ACTN2: variants seen among roughly 807,000 people sequenced by gnomAD.
ACTN2 encodes the protein actinin alpha 2, also known as alpha-actinin-2.
Under a neutral mutation model 113.8 loss-of-function variants are expected in ACTN2, and 39 were observed. The ratio of observed to expected loss-of-function variants is 0.34; its 90% CI spans 0.27 to 0.45. The LOEUF is 0.45. Ranked by LOEUF, ACTN2 falls within the 20% of genes least tolerant of loss-of-function variation. The pLI, the probability that ACTN2 is intolerant of heterozygous loss-of-function variation, is 1.00. For synonymous variants in ACTN2, 429 were observed against 444.1 expected (o/e 0.97, Z 0.43); for missense variants, 992 against 1,177.9 (o/e 0.84, Z 2.31).
Position 236,744,793 on chromosome 1 carries a change from T to TC in ACTN2, c.1406+19dup. 2 of 1,613,946 alleles carry TC rather than the reference T, an allele frequency of 1.2e-6. No homozygotes were observed. Among genetic ancestry groups the TC allele is most frequent in the Non-Finnish European group, 1.7e-6 (2 of 1,179,958 alleles). On this transcript the variant is annotated intron_variant, in intron 12 of 20. Transcript: ENST00000366578. ...GGAGCTCAAGTATGTGCAGATGCCCTCCGTCCTCCCGGGAGCCCCTGGGAT... is the reference window on the plus strand; with the variant it reads ...GGAGCTCAAGTATGTGCAGATGCCCTCCCGTCCTCCCGGGAGCCCCTGGGAT...
In ACTN2 at chr1:236,736,936, CAA is replaced by C. The variant is rs1332929529; in HGVS notation, c.784-184_784-183del. ...GTGTAAGTCTGTGTGAAAACTGTAACAAAGGTGTGAAATGATTCATAGTACGC... is the reference window on the plus strand; with the variant it reads ...GTGTAAGTCTGTGTGAAAACTGTAACAGGTGTGAAATGATTCATAGTACGC... On this transcript the variant is annotated intron_variant, in intron 8 of 20. Transcript: ENST00000366578. 3.5e-5 allele frequency: 22 copies of C among 634,590 alleles called. No homozygotes were observed. In the African/African-American group the frequency reaches 3.9e-4, roughly 11 times the overall value. The allele number at this position is 634,590 out of a possible 1,614,324, so 39.3% of individuals were successfully genotyped here.
intron 1 of ACTN2, among the ~76,000 whole-genome samples, chr1:236,701,675 C>T (rs1657681794): frequency 1.3e-5 from 2 of 152,218 alleles, no homozygotes; most frequent in South Asian, 4.1e-4. Flanking sequence ...TTTTACACAT[C>T]TGCAAAATGA....
intron 1 of ACTN2, among the ~76,000 whole-genome samples, chr1:236,690,007 T>G (rs1277780018): frequency 1.3e-5 from 2 of 152,244 alleles, no homozygotes; most frequent in Admixed American, 6.5e-5. Context: ...AGGGTCCTTA[T>G]GTCCATAATC....
chr1:236,744,870 G>A, intron 12 of ACTN2, 94 bp downstream of exon 12: 1 of 1,549,274 alleles, frequency 6.5e-7, no homozygotes, highest in African/African-American at 1.4e-5. Flanking sequence ...ACTAAACGCA[G>A]AGGGAACCAC....
intron 12 of ACTN2, among the ~76,000 whole-genome samples, chr1:236,745,899 C>T (rs1310129289): frequency 6.6e-6 from 1 of 152,050 alleles, no homozygotes. Flanking sequence ...CACAGTGGCT[C>T]ACGCCTGTAA....
intron 1 of ACTN2, among the ~76,000 whole-genome samples, chr1:236,717,647 G>A (rs2102893074): frequency 6.6e-6 from 1 of 152,276 alleles, no homozygotes; most frequent in Non-Finnish European, 1.5e-5. Flanking sequence ...TATCCAATAA[G>A]AGAGTCTTTA....
At chr1:236,760,831 T>A (rs1659682269) in intron 19 of ACTN2, among the ~76,000 whole-genome samples, 184 bp from the exon 20 acceptor site, 1 of 152,170 alleles carries the variant, frequency 6.6e-6, no homozygotes, top group Non-Finnish European at 1.5e-5. Context: ...TTTAAAATTG[T>A]TTGGTAGCAG....
intron 19 of ACTN2, among the ~76,000 whole-genome samples, chr1:236,760,401 G>C (rs545172987): frequency 6.6e-6 from 1 of 152,178 alleles, no homozygotes; most frequent in Non-Finnish European, 1.5e-5. Context: ...CCCATTTAAA[G>C]TGTATACTTC....
chr1:236,730,765 G>GT (rs1303227967), intron 6 of ACTN2, among the ~76,000 whole-genome samples: 1 of 152,066 alleles, frequency 6.6e-6, no homozygotes, highest in Non-Finnish European at 1.5e-5. Flanking sequence ...TGTAACACTA[G>GT]TAACACTCTT....
intron 1 of ACTN2, among the ~76,000 whole-genome samples, chr1:236,707,560 A>G (rs1055288034): frequency 1.3e-5 from 2 of 151,930 alleles, no homozygotes; most frequent in Non-Finnish European, 2.9e-5. Flanking sequence ...GCCGTCGCTG[A>G]TTGCTCTTCT....
In ACTN2 at chr1:236,734,589, CCT is replaced by C. The variant is rs555301393; in HGVS notation, c.698-1043_698-1042del. 8 of 1,153,574 alleles carry C rather than the reference CCT, an allele frequency of 6.9e-6. No homozygotes were observed. In the African/African-American group the frequency reaches 7.7e-5, roughly 11 times the overall value. 71.5% of individuals were successfully genotyped at this position (1,153,574 alleles called of 1,614,324 possible). A position where few individuals can be genotyped will look rare whatever the true frequency, so the allele number is the denominator to read the frequency against. On this transcript the variant is annotated intron_variant, in intron 7 of 20. Coordinates refer to ENST00000366578, the MANE Select transcript of ACTN2 (RefSeq NM_001103.4). Reference sequence around the variant, plus strand: ...GTCTTAATTTTTTTTCAATTGTTTTCCTCTTTTTTCCCCCCTCTCCTCCGAGT... The same window carrying C: ...GTCTTAATTTTTTTTCAATTGTTTTCCTTTTTTCCCCCCTCTCCTCCGAGT...
At chr1:236,739,638 T>C (rs1034160768) in intron 10 of ACTN2, 106 bp downstream of exon 10, 1 of 1,332,988 alleles carries the variant, frequency 7.5e-7, no homozygotes, top group Admixed American at 2.0e-5. Context: ...TGAATCTTTT[T>C]AGTTGTGTGA....
At chr1:236,693,937 A>T (rs1029683597) in intron 1 of ACTN2, among the ~76,000 whole-genome samples, 6 of 151,176 alleles carry the variant, frequency 4.0e-5, no homozygotes, top group African/African-American at 1.5e-4. Flanking sequence ...TTCATTCACC[A>T]CCCCAGTATC....
intron 8 of ACTN2, chr1:236,736,753 A>T (rs1658889574): frequency 1.1e-5 from 10 of 900,454 alleles, no homozygotes; most frequent in Non-Finnish European, 1.7e-5. Flanking sequence ...TCCCATCGTC[A>T]TGAGATCAGT....
intron 1 of ACTN2, among the ~76,000 whole-genome samples, chr1:236,707,524 C>T (rs984552034): frequency 3.9e-5 from 6 of 152,066 alleles, no homozygotes; most frequent in African/African-American, 1.2e-4. Context: ...TTCAACCCCA[C>T]GGCACCACTC....
At chr1:236,726,798 G>C (rs1658562159) in intron 5 of ACTN2, among the ~76,000 whole-genome samples, 1 of 152,216 alleles carries the variant, frequency 6.6e-6, no homozygotes, top group Admixed American at 6.5e-5. Flanking sequence ...AAGGGGAAGA[G>C]AATCCTTCTT....
intron 1 of ACTN2, among the ~76,000 whole-genome samples, chr1:236,696,017 T>G (rs1358941847): frequency 2.0e-5 from 3 of 152,090 alleles, no homozygotes; most frequent in Non-Finnish European, 4.4e-5. Flanking sequence ...AATATGAGAT[T>G]GTTTTGGGGC....
intron 1 of ACTN2, among the ~76,000 whole-genome samples, chr1:236,689,302 T>TAG (rs1665984897): frequency 7.8e-4 from 2 of 2,566 alleles, no homozygotes; most frequent in South Asian, 0.018. Flanking sequence ...ACAGATGTGA[T>TAG]ATATATATAT....
At chr1:236,752,767 G>A (rs1446733419) in intron 15 of ACTN2, among the ~76,000 whole-genome samples, 1 of 151,836 alleles carries the variant, frequency 6.6e-6, no homozygotes. Context: ...TGGCCAGGCT[G>A]GTCTCAAACT....
Sources: gnomAD v4.1 joint callset for allele counts (sites outside exome capture counted in the v4.1 genomes callset) on GRCh38, gnomAD v4.1.1 for gene constraint, MANE v1.5 for transcripts, NCBI Gene and HGNC (gene_info 2026-07-23, HGNC 2026-07-21) for gene names.